Variants in OTOG observed in about 807,000 individuals in gnomAD.
OTOG encodes the protein otogelin.
A neutral mutation model predicts 313.8 loss-of-function variants in OTOG; 296 were observed. The ratio of observed to expected loss-of-function variants is 0.94; its 90% CI spans 0.86 to 1.04. OTOG has a LOEUF of 1.04. Among genes scored for constraint, OTOG ranks in the 50% least tolerant of loss-of-function variants. The pLI is 0.00. For missense variants in OTOG, 3,948 were observed against 3,840.1 expected (o/e 1.03, Z -0.74); for synonymous variants, 1,533 against 1,554.9 (o/e 0.99, Z 0.33).
At chr11:17,595,593 C>T (rs1294627777) in intron 28 of OTOG, among the ~76,000 whole-genome samples, 2 of 152,202 alleles carry the variant, frequency 1.3e-5, no homozygotes, top group South Asian at 2.1e-4. Flanking sequence ...ACTGCATCCT[C>T]ATCTGCTCAC....
chr11:17,601,925 G>A (rs1853262383), intron 31 of OTOG, among the ~76,000 whole-genome samples: 1 of 152,190 alleles, frequency 6.6e-6, no homozygotes, highest in African/African-American at 2.4e-5. Context: ...GAGACAATGG[G>A]GGGCCCAGGT....
chr11:17,609,110 G>A lies in OTOG; in HGVS notation c.4275-20G>A. The A allele has an allele frequency of 6.5e-7, 1 of 1,545,190 alleles. No individual in the cohort carries two copies. Among genetic ancestry groups the A allele is most frequent in the Non-Finnish European group, 8.8e-7 (1 of 1,142,344 alleles). The stretch of plus-strand genomic sequence containing the variant: ...TGCCTGTATTTCAGGCCTTTAAACT[G>A]CTCCCTGCTCTGTCCTCAGGGTAGA... On this transcript the variant is annotated intron_variant, in intron 34 of 55. Coordinates refer to ENST00000399397, the MANE Select transcript of OTOG (RefSeq NM_001292063.2).
intron 30 of OTOG, among the ~76,000 whole-genome samples, chr11:17,598,620 T>C (rs1160188194): frequency 6.6e-6 from 1 of 152,162 alleles, no homozygotes; most frequent in African/African-American, 2.4e-5. Flanking sequence ...GCACTAAATT[T>C]CACTGACGTT....
rs946346528 is a variant in OTOG, at chr11:17,610,084, T to G, written c.4784T>G (p.Phe1595Cys). Reference sequence around the variant, plus strand: ...GAGACAACAAGGGTGACTGTGATCTTTGCAGGAAGCCCTAACATCACAGTC... The same window carrying G: ...GAGACAACAAGGGTGACTGTGATCTGTGCAGGAAGCCCTAACATCACAGTC... ...AMETTRVTVI[F>C]AGSPNITVSS... Residue 1595 changes from phenylalanine (F) to cysteine (C), a missense_variant, in exon 36 of 56, where the codon TTT (phenylalanine) becomes TGT (cysteine). Coordinates refer to ENST00000399397, the MANE Select transcript of OTOG (RefSeq NM_001292063.2). The G allele has an allele frequency of 1.9e-6, 3 of 1,550,540 alleles. No individual in the cohort carries two copies. The East Asian group carries it at 7.3e-5, about 38-fold the overall frequency.
intron 49 of OTOG, 94 bp from the exon 50 acceptor site, chr11:17,640,651 G>A: frequency 1.5e-6 from 2 of 1,318,028 alleles, no homozygotes; most frequent in Non-Finnish European, 2.1e-6. Flanking sequence ...ACCACAGGGA[G>A]GGACTGACGT....
Position 17,561,718 on chromosome 11 carries a change from A to C in OTOG, c.1555A>C (p.Thr519Pro), listed in dbSNP as rs1490561256. The change falls in exon 15 of 56, where the codon ACG becomes CCG. Residue 519 changes from threonine to proline, a missense_variant. Thr to Pro is a conservative substitution (Grantham distance 38). Coordinates refer to ENST00000399397, the MANE Select transcript of OTOG (RefSeq NM_001292063.2). The stretch of plus-strand genomic sequence containing the variant: ...CACAACCTTTGATGGCCGCCGGTAC[A>C]CGTTCCCCGCCACATGTCAGTACAT... ...HFTTFDGRRYTFPATCQYILA... is the reference protein window; with the variant it reads ...HFTTFDGRRYPFPATCQYILA... 7 of 1,550,242 alleles carry C rather than the reference A, an allele frequency of 4.5e-6. No individual in the cohort carries two copies. Among genetic ancestry groups the C allele is most frequent in the Non-Finnish European group, 6.1e-6 (7 of 1,146,944 alleles).
In OTOG at chr11:17,559,617, G is replaced by A. The variant is rs905216451; in HGVS notation, c.1297G>A (p.Val433Met). 9 of 1,550,806 alleles carry A rather than the reference G, an allele frequency of 5.8e-6. No homozygotes were observed. The African/African-American group carries it at 1.1e-4, about 19-fold the overall frequency. Reference protein sequence around the residue: ...PASCHPRASCVDSEIACVDGC... With the variant: ...PASCHPRASCMDSEIACVDGC... ...CTCCTGCCATCCCCGGGCATCCTGTGTGGACAGTGAGATCGCCTGTGTGGA... is the reference window on the plus strand; with the variant it reads ...CTCCTGCCATCCCCGGGCATCCTGTATGGACAGTGAGATCGCCTGTGTGGA... Residue 433 changes from valine (V) to methionine (M), a missense_variant, in exon 12 of 56, where the codon GTG becomes ATG. Coordinates refer to ENST00000399397, the MANE Select transcript of OTOG (RefSeq NM_001292063.2).
At chr11:17,615,484 C>A (rs1222850764) in intron 39 of OTOG, among the ~76,000 whole-genome samples, 1 of 152,112 alleles carries the variant, frequency 6.6e-6, no homozygotes, top group African/African-American at 2.4e-5. Flanking sequence ...TTAGGTATTA[C>A]TTTTATGTGT....
chr11:17,558,128 C>G (rs1444078488), intron 8 of OTOG, 57 bp from the exon 9 acceptor site: 1 of 1,540,736 alleles, frequency 6.5e-7, no homozygotes, highest in African/African-American at 1.4e-5. Flanking sequence ...GCCTTCTGTC[C>G]CTCCCATCCA....
chr11:17,629,990 CAT>C (rs1461823363), intron 40 of OTOG, among the ~76,000 whole-genome samples: 1 of 152,028 alleles, frequency 6.6e-6, no homozygotes, highest in Non-Finnish European at 1.5e-5. Flanking sequence ...CACACACACA[CAT>C]ACACACACAC....
At position 17,596,570 on chromosome 11, in the gene OTOG, T is replaced by C. The variant is rs549848526; in HGVS notation, c.3526-281T>C. On this transcript the variant is annotated intron_variant, in intron 29 of 55. Coordinates refer to ENST00000399397, the MANE Select transcript of OTOG (RefSeq NM_001292063.2). ...GATTGGCCTTGGCTGTCTCTGGCCC[T>C]GGCTAGGCAGTTCAGGCTCTACTCC... Among the ~76,000 whole-genome samples, 8 of 152,318 alleles carry C rather than the reference T, an allele frequency of 5.3e-5. No individual in the cohort carries two copies. The South Asian group carries it at 1.7e-3, about 32-fold the overall frequency.
intron 33 of OTOG, among the ~76,000 whole-genome samples, chr11:17,606,730 A>G (rs1853399908): frequency 6.6e-6 from 1 of 152,186 alleles, no homozygotes; most frequent in African/African-American, 2.4e-5. Context: ...TCTGTCTTGC[A>G]TGGGGCTTGG....
At chr11:17,628,405 T>C (rs570164212) in intron 39 of OTOG, among the ~76,000 whole-genome samples, 1 of 152,348 alleles carries the variant, frequency 6.6e-6, no homozygotes, top group Admixed American at 6.5e-5. Context: ...CTTAATCTTT[T>C]TATATTCCAT....
At chr11:17,599,591 G>A in intron 30 of OTOG, 80 bp from the exon 31 acceptor site, 2 of 1,481,086 alleles carry the variant, frequency 1.4e-6, no homozygotes, top group Admixed American at 3.9e-5. Context: ...GGGAGGCTGG[G>A]ATGCTGGGAG....
rs555068328 is a variant in OTOG, at chr11:17,613,688, G to A, written c.6515G>A (p.Arg2172His). ...THLAHQVTID[R>H]FNRKVTVDLQ... ...TTGGCCCATCAGGTCACTATTGATC[G>A]CTTCAACCGAAAGGTGAGTGCATCA... The change falls in exon 39 of 56, where the codon CGC becomes CAC. Residue 2172 changes from arginine (R) to histidine (H), a missense_variant. Physicochemically the swap from Arg to His is conservative, Grantham distance 29. Transcript: ENST00000399397. 6.2e-5 allele frequency: 96 copies of A among 1,550,548 alleles called. No individual in the cohort carries two copies. The African/African-American group carries it at 9.4e-4, about 15-fold the overall frequency.
At chr11:17,643,358 G>C in intron 53 of OTOG, 103 bp from the exon 54 acceptor site, 2 of 749,620 alleles carry the variant, frequency 2.7e-6, no homozygotes, top group Non-Finnish European at 3.8e-6. Flanking sequence ...CACGGGGAGA[G>C]AAGAGTCAAG....
At chr11:17,632,429 A>G (rs1854153425) in intron 42 of OTOG, among the ~76,000 whole-genome samples, 1 of 152,130 alleles carries the variant, frequency 6.6e-6, no homozygotes, top group African/African-American at 2.4e-5. Flanking sequence ...TACATTTTAT[A>G]CTAATGAACA....
At chr11:17,569,829 A>G (rs188869335) in intron 16 of OTOG, among the ~76,000 whole-genome samples, 1 of 152,328 alleles carries the variant, frequency 6.6e-6, no homozygotes, top group African/African-American at 2.4e-5. Context: ...TGAATCTAAA[A>G]TTGTATCATG....
intron 8 of OTOG, among the ~76,000 whole-genome samples, 155 bp from the exon 9 acceptor site, chr11:17,558,030 G>A (rs1205003185): frequency 6.6e-6 from 1 of 152,166 alleles, no homozygotes; most frequent in Non-Finnish European, 1.5e-5. Context: ...GAATGGCTCA[G>A]TTGGGAAACC....
Sources: allele counts gnomAD v4.1 joint callset (sites outside exome capture counted in the v4.1 genomes callset), GRCh38; gene constraint gnomAD v4.1.1; transcripts MANE v1.5; gene names NCBI Gene and HGNC (gene_info 2026-07-23, HGNC 2026-07-21).